The following TLR5 variants were observed in gnomAD, a reference collection of about 807,000 sequenced individuals.
TLR5 encodes toll-like receptor 5.
For synonymous variants in TLR5, 373 were observed against 384.4 expected, an observed-to-expected ratio of 0.97 and a Z score of 0.35; for missense variants, 944 against 999.8, an observed-to-expected ratio of 0.94 and a Z score of 0.75.
chr1:223,135,868 A>G lies in TLR5; in HGVS notation c.-352-1004T>C, dbSNP rs11488544. Among the ~76,000 whole-genome samples the G allele has an allele frequency of 2.2e-3, 335 of 152,250 alleles. 1 individual carries two copies. The highest frequency in any genetic ancestry group is 7.3e-3 in the African/African-American group (305 of 41,550). On this transcript the variant is annotated intron_variant, in intron 3 of 5. Coordinates refer to ENST00000642603, the MANE Select transcript of TLR5 (RefSeq NM_003268.6). The stretch of plus-strand genomic sequence containing the variant: ...CAACTTTTTCCCCCCTCAAGAAATT[A>G]CCCTCAGAGGAGCTTATGTCTGCGG...
intron 5 of TLR5, chr1:223,127,427 G>T (rs1185615441): frequency 6.6e-6 from 1 of 152,202 alleles, no homozygotes. Context: ...CAGCATGTGG[G>T]TTTAGCCTTG....
intron 1 of TLR5, among the ~76,000 whole-genome samples, chr1:223,142,562 T>C (rs1657923331): frequency 6.6e-6 from 1 of 152,156 alleles, no homozygotes; most frequent in South Asian, 2.1e-4. Context: ...AGGAAATGGC[T>C]TTCCAATTGT....
chr1:223,126,214 C>T (rs1657159146), intron 5 of TLR5, among the ~76,000 whole-genome samples: 1 of 152,170 alleles, frequency 6.6e-6, no homozygotes, highest in African/African-American at 2.4e-5. Flanking sequence ...GACGGATGAA[C>T]TTTGAAGACA....
rs1352221024 is a variant in TLR5, at chr1:223,132,266, G to C, written c.-5+209C>G. Among the ~76,000 whole-genome samples, 6 of 152,262 alleles carry C rather than the reference G, an allele frequency of 3.9e-5. No homozygotes were observed. In the East Asian group the frequency reaches 1.2e-3, roughly 29 times the overall value. Reference sequence around the variant, plus strand: ...TAGTCTGAGCTATTTGGGAGGCTGAGGCAGGAGGATCATTAAGCCTAAGAG... The same window carrying C: ...TAGTCTGAGCTATTTGGGAGGCTGACGCAGGAGGATCATTAAGCCTAAGAG... On this transcript the variant is annotated intron_variant, in intron 5 of 5. Coordinates refer to ENST00000642603, the MANE Select transcript of TLR5 (RefSeq NM_003268.6).
In TLR5 at chr1:223,109,507, T is replaced by C. The variant is rs1002303820; in HGVS notation, c.*948A>G. ...CAGTGTATGTGTTCTCTTGTGGTCA[T>C]TAGGGCAACGAAGGAAAAGATCTGA... On this transcript the variant is annotated 3_prime_UTR_variant, in exon 6 of 6. Coordinates refer to ENST00000642603, the MANE Select transcript of TLR5 (RefSeq NM_003268.6). The C allele has an allele frequency of 2.0e-5, 3 of 152,140 alleles. No homozygotes were observed. The highest frequency in any genetic ancestry group is 7.2e-5 in the African/African-American group (3 of 41,446). 9.4% of individuals were successfully genotyped at this position (152,140 alleles called of 1,614,324 possible).
chr1:223,112,932 G>A lies in TLR5; in HGVS notation c.100C>T (p.Arg34Cys), dbSNP rs780529136. ...CSFDGRIAFY[R>C]FCNLTQVPQV... ...GGGACCTGGGTGAGGTTGCAGAAAC[G>A]ATAAAAGGCTATTCGGCCATCAAAG... is the stretch of plus-strand genomic sequence containing the variant. Residue 34 changes from arginine to cysteine, a missense_variant, in exon 6 of 6, where the codon CGT becomes TGT. Arg to Cys is a radical substitution (Grantham distance 180, BLOSUM62 -3). Transcript: ENST00000642603. 5.0e-6 allele frequency: 8 copies of A among 1,614,170 alleles called. No homozygotes were observed. Among genetic ancestry groups the A allele is most frequent in the Non-Finnish European group, 6.8e-6 (8 of 1,180,030 alleles).
rs549959565 is a variant in TLR5 at position 223,117,580 on chromosome 1, A to G, written c.-4-4545T>C. On this transcript the variant is annotated intron_variant, in intron 5 of 5. Transcript: ENST00000642603. The stretch of plus-strand genomic sequence containing the variant: ...GTGTTCACAAAAAAAAAAAAAAAAA[A>G]AAAGAAAAGAAAAGAAAAAAAGGAA... 3.8e-3 allele frequency among the ~76,000 whole-genome samples: 393 copies of G among 104,608 alleles called. 4 individuals carry two copies. Among genetic ancestry groups the G allele is most frequent in the African/African-American group, 0.014 (371 of 26,540 alleles). The allele number at this position is 104,608 out of a possible 152,430, so 68.6% of individuals were successfully genotyped here.
At chr1:223,141,001 ATTAAGG>A (rs1348525056) in intron 2 of TLR5, among the ~76,000 whole-genome samples, 1 of 152,206 alleles carries the variant, frequency 6.6e-6, no homozygotes, top group Non-Finnish European at 1.5e-5. Context: ...TTGCTCTCAC[ATTAAGG>A]GACCAAGGCT....
intron 1 of TLR5, 95 bp from the exon 2 acceptor site, chr1:223,141,858 AAGAG>A (rs113886932): frequency 3.0e-5 from 3 of 99,328 alleles, no homozygotes; most frequent in Non-Finnish European, 6.7e-5. Flanking sequence ...GAGAGAGAGA[AAGAG>A]AGAGAGAGAG....
At chr1:223,129,856 A>G (rs1324103685) in intron 5 of TLR5, among the ~76,000 whole-genome samples, 1 of 152,242 alleles carries the variant, frequency 6.6e-6, no homozygotes, top group Non-Finnish European at 1.5e-5. Flanking sequence ...AAGAGGACTC[A>G]GAGAATCAGC....
At chr1:223,123,233 G>C (rs572584966) in intron 5 of TLR5, among the ~76,000 whole-genome samples, 3 of 152,272 alleles carry the variant, frequency 2.0e-5, no homozygotes, top group African/African-American at 7.2e-5. Flanking sequence ...GAGAATGCCA[G>C]CTCTGAAGAA....
chr1:223,113,995 T>C (rs1252797845), intron 5 of TLR5, among the ~76,000 whole-genome samples: 2 of 152,202 alleles, frequency 1.3e-5, no homozygotes, highest in Non-Finnish European at 2.9e-5. Context: ...TATCCGACCT[T>C]ACTCCACACA....
intron 5 of TLR5, chr1:223,123,373 T>C (rs753615171): frequency 1.3e-5 from 2 of 152,202 alleles, no homozygotes; most frequent in Admixed American, 6.5e-5. Flanking sequence ...AAACGAAATA[T>C]GTTCCAGGAT....
At position 223,132,495 on chromosome 1, in the gene TLR5, G is replaced by A. The variant is rs1657436052; in HGVS notation, c.-25C>T. On this transcript the variant is annotated 5_prime_UTR_variant, in exon 5 of 6. Coordinates refer to ENST00000642603, the MANE Select transcript of TLR5 (RefSeq NM_003268.6). ...CTTACCTCGTTGTCCTAGCAGAAGGGACTTCTAGTATGTTCTTATTCTAGG... is the reference window on the plus strand; with the variant it reads ...CTTACCTCGTTGTCCTAGCAGAAGGAACTTCTAGTATGTTCTTATTCTAGG... 6.6e-6 allele frequency: 1 copy of A among 152,252 alleles called. No homozygotes were observed. Among genetic ancestry groups the A allele is most frequent in the South Asian group, 2.1e-4 (1 of 4,820 alleles). 9.4% of individuals were successfully genotyped at this position (152,252 alleles called of 1,614,324 possible). A position where few individuals can be genotyped will look rare whatever the true frequency, so the allele number is the denominator to read the frequency against.
At chr1:223,118,643 G>T (rs1036546277) in intron 5 of TLR5, among the ~76,000 whole-genome samples, 1 of 152,118 alleles carries the variant, frequency 6.6e-6, no homozygotes, top group African/African-American at 2.4e-5. Context: ...GAAGCCTCCA[G>T]GTAGCAGGCT....
chr1:223,142,976 C>G lies in TLR5; in HGVS notation c.-555+220G>C, dbSNP rs111404013. On this transcript the variant is annotated intron_variant, in intron 1 of 5. Transcript: ENST00000642603. ...AGGGCACCCACATGACACGCTCACC[C>G]CGTCCCTGGGCCGAGGGACCCCACG... Among the ~76,000 whole-genome samples the G allele has an allele frequency of 4.6e-5, 7 of 152,212 alleles. No homozygotes were observed. In the East Asian group the frequency reaches 5.8e-4, roughly 13 times the overall value.
intron 3 of TLR5, among the ~76,000 whole-genome samples, chr1:223,135,341 A>T (rs889483524): frequency 6.6e-6 from 1 of 152,080 alleles, no homozygotes; most frequent in Admixed American, 6.5e-5. Flanking sequence ...GACCCGAAGG[A>T]GGTTTACTGC....
At chr1:223,125,328 C>A (rs1350081833) in intron 5 of TLR5, among the ~76,000 whole-genome samples, 2 of 152,122 alleles carry the variant, frequency 1.3e-5, no homozygotes, top group Non-Finnish European at 2.9e-5. Context: ...GATTCTACCC[C>A]CTGCACCTGC....
At chr1:223,139,591 G>C (rs1657754599) in intron 2 of TLR5, among the ~76,000 whole-genome samples, 2 of 152,156 alleles carry the variant, frequency 1.3e-5, no homozygotes, top group Non-Finnish European at 2.9e-5. Context: ...GGAGAAGAGA[G>C]AGCCTAGGCC....
Sources: allele counts gnomAD v4.1 joint callset (sites outside exome capture counted in the v4.1 genomes callset), GRCh38; gene constraint gnomAD v4.1.1; transcripts MANE v1.5; gene names NCBI Gene and HGNC (gene_info 2026-07-23, HGNC 2026-07-21).